Variants in SBK1 observed in about 807,000 individuals in gnomAD.
SBK1 encodes the protein SH3 domain binding kinase 1.
SBK1 carries 11 observed loss-of-function variants against 24.4 expected under a neutral mutation model. The observed-to-expected ratio is 0.45, with a 90% CI of 0.28 to 0.75. SBK1 has a LOEUF of 0.75. Among genes scored for constraint, SBK1 ranks in the 30% least tolerant of loss-of-function variants. The pLI, the probability that SBK1 is intolerant of heterozygous loss-of-function variation, is 0.12. For missense variants in SBK1, 467 were observed against 620.5 expected, an observed-to-expected ratio of 0.75 and a Z score of 2.63; for synonymous variants, 308 against 284.4, an observed-to-expected ratio of 1.08 and a Z score of -0.83.
intron 1 of SBK1, among the ~76,000 whole-genome samples, chr16:28,303,189 G>A (rs971552678): frequency 2.6e-5 from 4 of 151,992 alleles, no homozygotes; most frequent in South Asian, 2.1e-4. Flanking sequence ...TAAATGGAGG[G>A]CCATGGTAAG....
Position 28,259,686 on chromosome 16 carries a change from A to G in SBK1, c.257+184A>G, listed in dbSNP as rs2044385036. Among the ~76,000 whole-genome samples, 1 of 151,698 alleles carries G rather than the reference A, an allele frequency of 6.6e-6. No individual in the cohort carries two copies. The highest frequency in any genetic ancestry group is 2.1e-4 in the South Asian group (1 of 4,800). On this transcript the variant is annotated intron_variant, in intron 1 of 3. Coordinates refer to the SBK1 transcript ENST00000671413. This position sits in a 1 kb window ranked among gnomAD's most constrained non-coding sequence, Gnocchi z 6.0. ...TGGTTGTTGCCACAGCCTCCTTCCT[A>G]TCTCCCCCACCCTAGCCCCAGAGTG...
intron 1 of SBK1, among the ~76,000 whole-genome samples, chr16:28,275,091 C>T (rs1426760514): frequency 2.0e-5 from 3 of 152,022 alleles, no homozygotes; most frequent in Non-Finnish European, 4.4e-5. Context: ...TTTGGGAGGC[C>T]GAGGCAGGAG....
intron 1 of SBK1, among the ~76,000 whole-genome samples, chr16:28,300,027 T>C (rs1433054109): frequency 6.6e-6 from 1 of 152,184 alleles, no homozygotes; most frequent in Non-Finnish European, 1.5e-5. Flanking sequence ...CACAATTCCC[T>C]TGCCTCTTTC....
intron 1 of SBK1, among the ~76,000 whole-genome samples, chr16:28,280,193 G>A (rs146548937): frequency 0.25 from 24,015 of 95,686 alleles, 4,023 homozygotes; most frequent in Non-Finnish European, 0.38. Context: ...ACATATATAT[G>A]TACATATATG....
chr16:28,288,491 C>G (rs377569573), upstream of SBK1, among the ~76,000 whole-genome samples: 101 of 152,292 alleles, frequency 6.6e-4, no homozygotes, highest in South Asian at 0.018. Context: ...CATGCTAGAG[C>G]CCCCGCCTCC....
At chr16:28,272,724 C>T (rs576192069) in intron 1 of SBK1, among the ~76,000 whole-genome samples, 3 of 148,406 alleles carry the variant, frequency 2.0e-5, no homozygotes, top group African/African-American at 7.4e-5. Flanking sequence ...CAGGTTCAAG[C>T]GATTCTTCTG....
Position 28,292,808 on chromosome 16 carries a change from G to T in SBK1, c.-500G>T, listed in dbSNP as rs1055111637. 44 of 985,430 alleles carry T rather than the reference G, an allele frequency of 4.5e-5. No homozygotes were observed. The East Asian group carries it at 4.2e-3, about 93-fold the overall frequency. 61.0% of individuals were successfully genotyped at this position (985,430 alleles called of 1,614,324 possible). On this transcript the variant is annotated 5_prime_UTR_variant, in exon 1 of 4. Coordinates refer to ENST00000341901, the MANE Select transcript of SBK1 (RefSeq NM_001024401.3). ...TCGGGGAAGAGGGGGGGCCCTCCCG[G>T]ATCCGACACCGAGCGACTCCCCTGC...
chr16:28,308,920 G>T (rs1170417022), intron 1 of SBK1, among the ~76,000 whole-genome samples: 1 of 152,062 alleles, frequency 6.6e-6, no homozygotes, highest in Non-Finnish European at 1.5e-5. Context: ...AAAGTGGTGG[G>T]ACTACAGGTG....
intron 1 of SBK1, among the ~76,000 whole-genome samples, chr16:28,270,507 T>TCTC (rs1186320421): frequency 5.9e-5 from 9 of 151,932 alleles, no homozygotes; most frequent in African/African-American, 2.2e-4. Flanking sequence ...CTCACTGCAG[T>TCTC]CTCAACCTCC....
chr16:28,318,287 C>T (rs1044989359), intron 2 of SBK1, among the ~76,000 whole-genome samples: 20 of 152,214 alleles, frequency 1.3e-4, no homozygotes, highest in African/African-American at 4.6e-4. Context: ...CACAGCTGCA[C>T]GCGCTTGGGT....
intron 1 of SBK1, among the ~76,000 whole-genome samples, chr16:28,295,570 T>C (rs961142346): frequency 1.3e-5 from 2 of 152,164 alleles, no homozygotes; most frequent in African/African-American, 4.8e-5. Flanking sequence ...CAGGTTTGTC[T>C]TGTCCATACT....
chr16:28,309,585 A>G (rs527334775), intron 1 of SBK1, among the ~76,000 whole-genome samples: 1 of 152,306 alleles, frequency 6.6e-6, no homozygotes, highest in East Asian at 1.9e-4. Flanking sequence ...TTCTACCTCA[A>G]TTAAGCTATT....
At chr16:28,291,966 CATGG>C (rs140535903), upstream of SBK1, 7 of 152,078 alleles carry the variant, frequency 4.6e-5, no homozygotes, top group South Asian at 4.2e-4. Flanking sequence ...AAATAGGATG[CATGG>C]ATGGATGGAT....
chr16:28,268,324 C>G (rs983239077), intron 1 of SBK1, among the ~76,000 whole-genome samples: 2 of 151,982 alleles, frequency 1.3e-5, no homozygotes, highest in African/African-American at 4.8e-5. Flanking sequence ...CTCACTGCAG[C>G]CTCCACTTCT....
chr16:28,285,650 C>T (rs1369634612), intron 1 of SBK1: 1 of 152,266 alleles, frequency 6.6e-6, no homozygotes, highest in Admixed American at 6.5e-5. Flanking sequence ...GGGGCAACCA[C>T]TCTCATGATT....
chr16:28,296,145 A>C (rs2044638568), intron 1 of SBK1, among the ~76,000 whole-genome samples: 1 of 149,178 alleles, frequency 6.7e-6, no homozygotes, highest in African/African-American at 2.5e-5. Flanking sequence ...CCCAGGCTGA[A>C]GTGTCGTGGC....
upstream of SBK1, chr16:28,292,420 G>T: frequency 3.5e-6 from 2 of 567,764 alleles, no homozygotes; most frequent in Non-Finnish European, 4.4e-6. Flanking sequence ...GCGCGAGGGC[G>T]CGCGCCGAGC....
At chr16:28,307,029 C>G (rs1021778489) in intron 1 of SBK1, among the ~76,000 whole-genome samples, 4 of 152,176 alleles carry the variant, frequency 2.6e-5, no homozygotes, top group African/African-American at 7.2e-5. Context: ...GTGCTCTCTC[C>G]CTCCAGCAGC....
chr16:28,262,975 C>T (rs913791667), intron 1 of SBK1, among the ~76,000 whole-genome samples: 2 of 152,178 alleles, frequency 1.3e-5, no homozygotes, highest in Non-Finnish European at 2.9e-5. Flanking sequence ...ACGGCCACTG[C>T]TGGATCTTCT....
Sources: gnomAD v4.1 joint callset for allele counts (sites outside exome capture counted in the v4.1 genomes callset) on GRCh38, gnomAD v4.1.1 for gene constraint, Gnocchi (gnomAD v3.1) non-coding constraint, MANE v1.5 for transcripts, NCBI Gene and HGNC (gene_info 2026-07-23, HGNC 2026-07-21) for gene names.